Variants in ETV7 observed in about 807,000 individuals in gnomAD.
The protein encoded by ETV7 is transcription factor ETV7.
ETV7 carries 43 observed loss-of-function variants against 39.1 expected under a neutral mutation model. The observed-to-expected ratio is 1.10, with a 90% confidence interval of 0.86 to 1.42. The LOEUF (loss-of-function observed/expected upper bound fraction) is 1.42, where lower values mean the gene tolerates loss of function less well. Ranked by LOEUF, ETV7 falls within the 40% of genes most tolerant of loss-of-function variation. ETV7 has a pLI of 0.00. For missense variants in ETV7, 432 were observed against 442.3 expected, an observed-to-expected ratio of 0.98 and a Z score of 0.21; for synonymous variants, 196 against 176.6, an observed-to-expected ratio of 1.11 and a Z score of -0.87.
At chr6:36,361,652 C>T (rs767807288), downstream of ETV7, among the ~76,000 whole-genome samples, 1 of 152,242 alleles carries the variant, frequency 6.6e-6, no homozygotes, top group Non-Finnish European at 1.5e-5. Context: ...AAGAATCCAC[C>T]TAACAGAGAA....
intron 2 of ETV7, among the ~76,000 whole-genome samples, chr6:36,376,570 G>C (rs1009395654): frequency 4.6e-5 from 7 of 152,108 alleles, no homozygotes; most frequent in South Asian, 2.1e-4. Context: ...AAAGTCAGGA[G>C]ATTCAAACCA....
intron 3 of ETV7, among the ~76,000 whole-genome samples, chr6:36,374,064 G>A (rs537404998): frequency 5.0e-4 from 76 of 152,244 alleles, no homozygotes; most frequent in African/African-American, 1.3e-3. Context: ...ATAAATGGTT[G>A]AAGAAAGGAA....
At chr6:36,380,633 T>C (rs1009959336) in intron 2 of ETV7, among the ~76,000 whole-genome samples, 1 of 152,230 alleles carries the variant, frequency 6.6e-6, no homozygotes, top group Non-Finnish European at 1.5e-5. Context: ...TCACGTCCAC[T>C]GCCCTTATCT....
intron 3 of ETV7, among the ~76,000 whole-genome samples, chr6:36,374,498 G>T (rs954222488): frequency 7.2e-5 from 11 of 152,228 alleles, no homozygotes; most frequent in Non-Finnish European, 1.6e-4. Flanking sequence ...CAGGCAGCCA[G>T]AGGGATACAA....
chr6:36,374,743 A>G (rs1036205939), intron 3 of ETV7, among the ~76,000 whole-genome samples: 1 of 152,222 alleles, frequency 6.6e-6, no homozygotes, highest in African/African-American at 2.4e-5. Context: ...AGCAGCTGCT[A>G]CAGGAGGCTC....
Position 36,387,535 on chromosome 6 carries a change from C to T in ETV7, c.6+1G>A. 6.2e-7 allele frequency: 1 copy of T among 1,614,152 alleles called. No individual in the cohort carries two copies. The highest frequency in any genetic ancestry group is 8.5e-7 in the Non-Finnish European group (1 of 1,180,042). On this transcript the variant is annotated splice_donor_variant, in intron 1 of 7. Coordinates refer to ENST00000340181, the MANE Select transcript of ETV7 (RefSeq NM_016135.4). LOFTEE classifies it high-confidence loss of function. ...TGCGTGTTCAGCCGCCAGGCTCTTACCTGCATTACAGGTGGAGGTGAGGAA... is the reference window on the plus strand; with the variant it reads ...TGCGTGTTCAGCCGCCAGGCTCTTATCTGCATTACAGGTGGAGGTGAGGAA...
At chr6:36,363,002 G>C (rs1772556740), downstream of ETV7, among the ~76,000 whole-genome samples, 1 of 152,152 alleles carries the variant, frequency 6.6e-6, no homozygotes, top group African/African-American at 2.4e-5. Context: ...AAGCTGGGCT[G>C]GGCCATGTGA....
chr6:36,382,811 A>G (rs945296360), intron 2 of ETV7, among the ~76,000 whole-genome samples: 1 of 152,196 alleles, frequency 6.6e-6, no homozygotes, highest in Non-Finnish European at 1.5e-5. Context: ...TCAAAACACA[A>G]AGAAGTCTCA....
At position 36,366,866 on chromosome 6, in the gene ETV7, G is replaced by A; in HGVS notation, c.908+9C>T. 1.2e-6 allele frequency: 2 copies of A among 1,613,652 alleles called. No individual in the cohort carries two copies. ...CTTCCCCTTTCACCACATCCCCTAGGCCACTCACCTGAACAGGAGTTTCTG... is the reference window on the plus strand; with the variant it reads ...CTTCCCCTTTCACCACATCCCCTAGACCACTCACCTGAACAGGAGTTTCTG... On this transcript the variant is annotated intron_variant, in intron 7 of 7. Coordinates refer to ENST00000340181, the MANE Select transcript of ETV7 (RefSeq NM_016135.4).
intron 5 of ETV7, among the ~76,000 whole-genome samples, chr6:36,369,998 T>C (rs994142255): frequency 2.0e-5 from 3 of 152,170 alleles, no homozygotes; most frequent in African/African-American, 7.2e-5. Context: ...TGAGATCTTG[T>C]TGCATGCATA....
intron 2 of ETV7, among the ~76,000 whole-genome samples, chr6:36,382,991 A>T (rs1182407882): frequency 3.7e-5 from 1 of 27,044 alleles, no homozygotes; most frequent in Non-Finnish European, 6.1e-5. Flanking sequence ...TTTCTCTGTC[A>T]CTGAAGAGGC....
At chr6:36,369,937 A>G (rs1772928329) in intron 5 of ETV7, among the ~76,000 whole-genome samples, 1 of 151,546 alleles carries the variant, frequency 6.6e-6, no homozygotes, top group Non-Finnish European at 1.5e-5. Context: ...ATTGTGGATC[A>G]TTGTGTTTGT....
rs548123779 is a variant in ETV7 at position 36,367,524 on chromosome 6, T to G, written c.808-549A>C. Among the ~76,000 whole-genome samples the G allele has an allele frequency of 3.3e-5, 5 of 152,288 alleles. No individual in the cohort carries two copies. The East Asian group carries it at 7.7e-4, about 23-fold the overall frequency. On this transcript the variant is annotated intron_variant, in intron 6 of 7. Coordinates refer to ENST00000340181, the MANE Select transcript of ETV7 (RefSeq NM_016135.4). ...ATGATGGAAAGGTTCTCCTGCCTAC[T>G]TGGCTGAGAACATAGTGTGGGAGTG... is the stretch of plus-strand genomic sequence containing the variant.
In ETV7 at chr6:36,379,108, G is replaced by C. The variant is rs147508731; in HGVS notation, c.143-3073C>G. 6.8e-3 allele frequency among the ~76,000 whole-genome samples: 1,041 copies of C among 152,342 alleles called. 13 individuals are homozygous for C. Among genetic ancestry groups the C allele is most frequent in the Non-Finnish European group, 9.3e-3 (630 of 68,038 alleles). ...GCCACACGATGGGCAGATTCCTGAG[G>C]GGTCGAGGGCAGGCCTCCACAGCCA... is the stretch of plus-strand genomic sequence containing the variant. On this transcript the variant is annotated intron_variant, in intron 2 of 7. Transcript: ENST00000340181.
downstream of ETV7, among the ~76,000 whole-genome samples, chr6:36,361,769 C>T (rs778036513): frequency 5.9e-5 from 9 of 152,242 alleles, no homozygotes; most frequent in Non-Finnish European, 1.0e-4. Context: ...TTATTATACT[C>T]ATTTTTCATA....
At position 36,373,463 on chromosome 6, in the gene ETV7, G is replaced by A. The variant is rs779428079; in HGVS notation, c.423C>T (p.Val141=). 7 of 1,569,092 alleles carry A rather than the reference G, an allele frequency of 4.5e-6. No homozygotes were observed. Among genetic ancestry groups the A allele is most frequent in the South Asian group, 2.4e-5 (2 of 83,984 alleles). The change falls in exon 4 of 8, where the codon GTC becomes GTT. Residue 141 remains valine (V), a synonymous_variant. Transcript: ENST00000340181. ...AGAGAGCTTCCTCACCTTCCGGGGGGACTGGAGAGTGCTGGGTGGGCGTCT... is the reference window on the plus strand; with the variant it reads ...AGAGAGCTTCCTCACCTTCCGGGGGAACTGGAGAGTGCTGGGTGGGCGTCT... ...RLKTPTQHSP[V]PPEEVTGPSQ...
Position 36,385,633 on chromosome 6 carries a change from C to T in ETV7, c.43G>A (p.Ala15Thr). Residue 15 changes from alanine (A) to threonine (T), a missense_variant, in exon 2 of 8, where the codon GCA (alanine) becomes ACA (threonine). Coordinates refer to ENST00000340181, the MANE Select transcript of ETV7 (RefSeq NM_016135.4). ...TGGGTGCCTAGGGGAGGCATGGCTG[C>T]CACAGGGCTTATAGGAGAAATAGCC... ...ELAISPISPV[A>T]AMPPLGTHVQ... 1 of 1,614,068 alleles carries T rather than the reference C, an allele frequency of 6.2e-7. No individual in the cohort carries two copies. Among genetic ancestry groups the T allele is most frequent in the Non-Finnish European group, 8.5e-7 (1 of 1,179,978 alleles).
Position 36,375,982 on chromosome 6 carries a change from C to T in ETV7, c.196G>A (p.Ala66Thr), listed in dbSNP as rs1773316310. 6.2e-7 allele frequency: 1 copy of T among 1,611,824 alleles called. No homozygotes were observed. The highest frequency in any genetic ancestry group is 2.2e-5 in the East Asian group (1 of 44,882). The change falls in exon 3 of 8, where the codon GCA becomes ACA. Residue 66 changes from alanine to threonine, a missense_variant. By Grantham distance (58) the Ala-to-Thr change is moderately conservative (BLOSUM62 0). Coordinates refer to ENST00000340181, the MANE Select transcript of ETV7 (RefSeq NM_016135.4). The part of the protein sequence containing the change: ...REDVLHWLRW[A>T]EQEYSLPCTA... ...CATGGCAGAGAGTACTCCTGCTCTG[C>T]CCAGCGCAGCCAGTGCAGCACGTCC... is the stretch of plus-strand genomic sequence containing the variant.
At chr6:36,363,134 A>T (rs1772565927), downstream of ETV7, among the ~76,000 whole-genome samples, 1 of 152,202 alleles carries the variant, frequency 6.6e-6, no homozygotes, top group Non-Finnish European at 1.5e-5. Context: ...GGAGGTGATA[A>T]TGTGTCCAGA....
Sources: allele counts gnomAD v4.1 joint callset (sites outside exome capture counted in the v4.1 genomes callset), GRCh38; gene constraint gnomAD v4.1.1; transcripts MANE v1.5; gene names NCBI Gene and HGNC (gene_info 2026-07-23, HGNC 2026-07-21).